The following TARM1 variants were observed in gnomAD, a reference collection of about 807,000 sequenced individuals.
TARM1 encodes the protein T cell-interacting, activating receptor on myeloid cells 1.
TARM1 carries 24 observed loss-of-function variants against 30.4 expected under a neutral mutation model. The ratio of observed to expected loss-of-function variants is 0.79; its 90% confidence interval spans 0.57 to 1.11. The LOEUF is 1.11. TARM1 is among the 50% of genes least tolerant of loss of function. The pLI is 0.00. For synonymous variants in TARM1, 129 were observed against 138.9 expected, an observed-to-expected ratio of 0.93 and a Z score of 0.50; for missense variants, 323 against 332.8, an observed-to-expected ratio of 0.97 and a Z score of 0.23.
intron 1 of TARM1, chr19:54,076,179 C>T (rs899919109): frequency 5.3e-6 from 8 of 1,501,488 alleles, no homozygotes; most frequent in Non-Finnish European, 7.1e-6. Flanking sequence ...CAAATCCTTC[C>T]ATTCTCATCT....
At chr19:54,075,991 A>T (rs2146215374) in intron 1 of TARM1, 73 bp from the exon 2 acceptor site, 34 of 1,529,726 alleles carry the variant, frequency 2.2e-5, no homozygotes, top group Non-Finnish European at 3.0e-5. Flanking sequence ...ACCCCTGGAG[A>T]TCGTCCCAGA....
chr19:54,075,631 A>G (rs1174930294), intron 2 of TARM1, among the ~76,000 whole-genome samples: 1 of 151,536 alleles, frequency 6.6e-6, no homozygotes, highest in Non-Finnish European at 1.5e-5. Context: ...CGTCTCTACT[A>G]AAAATACAAA....
intron 3 of TARM1, among the ~76,000 whole-genome samples, chr19:54,074,464 CCT>C (rs1403070152): frequency 6.6e-6 from 1 of 152,162 alleles, no homozygotes; most frequent in African/African-American, 2.4e-5. Flanking sequence ...GGGTGGATCA[CCT>C]GAGGTCAGGA....
At chr19:54,077,104 C>T (rs900889697) in intron 1 of TARM1, among the ~76,000 whole-genome samples, 6 of 151,952 alleles carry the variant, frequency 3.9e-5, no homozygotes, top group Admixed American at 1.3e-4. Flanking sequence ...TTGACCATGC[C>T]GGGCGCGGTG....
At position 54,074,074 on chromosome 19, in the gene TARM1, G is replaced by A. The variant is rs771176438; in HGVS notation, c.504C>T (p.Pro168=). ...TCCCCGCTGGACTCTGCAGCTGGAT[G>A]GGTGATGGCGTCCCTGCCTTCAGTA... The part of the protein sequence containing the change: ...FALLKAGTPS[P]IQLQSPAGKE... The change falls in exon 4 of 5, where the codon CCC becomes CCT. Residue 168 remains proline (P), a synonymous_variant. Coordinates refer to ENST00000432826, the MANE Select transcript of TARM1 (RefSeq NM_001135686.3). 6.4e-7 allele frequency: 1 copy of A among 1,551,712 alleles called. No homozygotes were observed. Among genetic ancestry groups the A allele is most frequent in the East Asian group, 2.4e-5 (1 of 40,922 alleles).
At chr19:54,079,299 G>T (rs587771451) in intron 1 of TARM1, among the ~76,000 whole-genome samples, 7 of 151,526 alleles carry the variant, frequency 4.6e-5, no homozygotes, top group Middle Eastern at 3.4e-3. Context: ...TAGAATGGAG[G>T]TTACCAGGGG....
intron 1 of TARM1, among the ~76,000 whole-genome samples, chr19:54,079,265 G>GAAA (rs587622719): frequency 3.6e-5 from 4 of 112,026 alleles, no homozygotes; most frequent in Admixed American, 1.0e-4. Context: ...CTCCATCTCC[G>GAAA]AAAAAAAAAA....
chr19:54,074,337 A>G, intron 3 of TARM1, 121 bp from the exon 4 acceptor site: 1 of 938,686 alleles, frequency 1.1e-6, no homozygotes, highest in Non-Finnish European at 1.6e-6. Flanking sequence ...GATCTCTTCT[A>G]CCTTCCTCCA....
intron 4 of TARM1, among the ~76,000 whole-genome samples, chr19:54,073,130 C>T (rs1239847674): frequency 1.3e-5 from 2 of 151,384 alleles, no homozygotes; most frequent in African/African-American, 2.4e-5. Flanking sequence ...AAAGGAGGGC[C>T]GGGCACGGTG....
At position 54,070,039 on chromosome 19, in the gene TARM1, C is replaced by T; in HGVS notation, c.780G>A (p.Val260=). 6.4e-7 allele frequency: 1 copy of T among 1,551,598 alleles called. No individual in the cohort carries two copies. Among genetic ancestry groups the T allele is most frequent in the South Asian group, 1.2e-5 (1 of 84,060 alleles). Residue 260 remains valine (V), a synonymous_variant, in exon 5 of 5, where the codon GTG becomes GTA. Transcript: ENST00000432826. ...TGAAGGCCTCTGATTCACCTGGAGA[C>T]ACATTCCGGCTGTACCAGGCCTCCA... ...FLVEAWYSRN[V]SPGESEAFKP...
chr19:54,075,224 G>C (rs1269233280), intron 2 of TARM1, 110 bp from the exon 3 acceptor site: 5 of 991,512 alleles, frequency 5.0e-6, no homozygotes, highest in Non-Finnish European at 7.0e-6. Context: ...GTCTCCCTCT[G>C]TTGCCCAGGC....
chr19:54,073,943 T>A lies in TARM1; in HGVS notation c.635A>T (p.Asp212Val). ...KSPFWASEPS[D>V]QLEILVTVPP... ...ACCTGTCACCAATATCTCAAGCTGA[T>A]CACTGGGTTCTGAGGCCCAGAAGGG... Residue 212 changes from aspartate to valine, a missense_variant, in exon 4 of 5, where the codon GAT (aspartate) becomes GTT (valine). Coordinates refer to ENST00000432826, the MANE Select transcript of TARM1 (RefSeq NM_001135686.3). 6.4e-7 allele frequency: 1 copy of A among 1,551,668 alleles called. No individual in the cohort carries two copies. Among genetic ancestry groups the A allele is most frequent in the Non-Finnish European group, 8.7e-7 (1 of 1,146,984 alleles).
rs2071936275 is a variant in TARM1, at chr19:54,075,809, A to C, written c.70+74T>G. The C allele has an allele frequency of 2.8e-6, 4 of 1,445,044 alleles. No individual in the cohort carries two copies. The South Asian group carries it at 5.2e-5, about 19-fold the overall frequency. 89.5% of individuals were successfully genotyped at this position (1,445,044 alleles called of 1,614,324 possible). ...TCCGTCAAAAAAAAAAGAGAAAAAGAGGGGGAAGGGGAAGAGAACAGCAGG... is the reference window on the plus strand; with the variant it reads ...TCCGTCAAAAAAAAAAGAGAAAAAGCGGGGGAAGGGGAAGAGAACAGCAGG... On this transcript the variant is annotated intron_variant, in intron 2 of 4. Transcript: ENST00000432826.
At chr19:54,080,585 A>G (rs1188329862) in intron 1 of TARM1, among the ~76,000 whole-genome samples, 2 of 151,974 alleles carry the variant, frequency 1.3e-5, no homozygotes, top group Non-Finnish European at 2.9e-5. Flanking sequence ...AGGAAGAAAG[A>G]AAGAGGTTTT....
intron 1 of TARM1, among the ~76,000 whole-genome samples, chr19:54,080,122 AGG>A (rs2072070577): frequency 2.2e-5 from 1 of 44,718 alleles, no homozygotes; most frequent in African/African-American, 7.9e-5. Context: ...GAAGGAAGGA[AGG>A]AAGGAAGGAA....
chr19:54,074,932 T>A lies in TARM1; in HGVS notation c.253A>T (p.Asn85Tyr), dbSNP rs1401960832. Residue 85 changes from asparagine to tyrosine, a missense_variant, in exon 3 of 5, where the codon AAT becomes TAT. Coordinates refer to ENST00000432826, the MANE Select transcript of TARM1 (RefSeq NM_001135686.3). ...STEGAAEFHLNNLKVRNAGEY... is the reference protein window; with the variant it reads ...STEGAAEFHLYNLKVRNAGEY... ...CCAGCATTTCTGACTTTTAGATTAT[T>A]GAGGTGAAATTCGGCCGCGCCCTCT... The A allele has an allele frequency of 1.3e-6, 2 of 1,551,618 alleles. No individual in the cohort carries two copies. The highest frequency in any genetic ancestry group is 3.9e-5 in the Admixed American group (2 of 50,972).
At chr19:54,076,241 C>T in intron 1 of TARM1, 1 of 1,506,370 alleles carries the variant, frequency 6.6e-7, no homozygotes. Context: ...CTTTCTTTTT[C>T]TTTCCTTTCT....
At chr19:54,080,128 G>A (rs867859822) in intron 1 of TARM1, among the ~76,000 whole-genome samples, 22,679 of 36,298 alleles carry the variant, frequency 0.62, 7,915 homozygotes, top group Middle Eastern at 0.71. Flanking sequence ...AGGAAGGAAG[G>A]AAGGAAGGAA....
At chr19:54,075,620 C>A (rs1388815803) in intron 2 of TARM1, among the ~76,000 whole-genome samples, 1 of 151,538 alleles carries the variant, frequency 6.6e-6, no homozygotes, top group Non-Finnish European at 1.5e-5. Flanking sequence ...TGGTGAAACT[C>A]CGTCTCTACT....
Sources: gnomAD v4.1 joint callset for allele counts (sites outside exome capture counted in the v4.1 genomes callset) on GRCh38, gnomAD v4.1.1 for gene constraint, MANE v1.5 for transcripts, NCBI Gene and HGNC (gene_info 2026-07-23, HGNC 2026-07-21) for gene names.